SHROOM2: variants seen among roughly 807,000 people sequenced by gnomAD.
The protein encoded by SHROOM2 is protein Shroom2.
A neutral mutation model predicts 75.9 loss-of-function variants in SHROOM2; 33 were observed. That is an observed-to-expected ratio of 0.43 (90% confidence interval 0.33 to 0.58). The LOEUF is 0.58. Among genes scored for constraint, SHROOM2 ranks in the 20% least tolerant of loss-of-function variants. The pLI, the probability that SHROOM2 is intolerant of heterozygous loss-of-function variation, is 0.04. For missense variants in SHROOM2, 1,434 were observed against 1,461.2 expected (o/e 0.98, Z 0.30); for synonymous variants, 655 against 663.6 (o/e 0.99, Z 0.20).
At chrX:9,793,955 G>A (rs1399431032) in intron 1 of SHROOM2, among the ~76,000 whole-genome samples, 1 of 110,957 alleles carries the variant, frequency 9.0e-6, no homozygotes, top group African/African-American at 3.3e-5. Flanking sequence ...GTATTGCTTG[G>A]GTTGATCCTG....
At chrX:9,826,413 C>CT (rs897611062) in intron 1 of SHROOM2, among the ~76,000 whole-genome samples, 10 of 109,914 alleles carry the variant, frequency 9.1e-5, no homozygotes, top group African/African-American at 2.3e-4. Context: ...TATCATTTTC[C>CT]TTTTTTTTTA....
intron 1 of SHROOM2, among the ~76,000 whole-genome samples, chrX:9,837,060 C>A (rs970671103): frequency 8.9e-6 from 1 of 112,577 alleles, no homozygotes; most frequent in Admixed American, 9.4e-5. Flanking sequence ...CATTCCCTTC[C>A]GGTGCCAAGT....
In SHROOM2 at chrX:9,896,427, A is replaced by G. The variant is rs1181508925; in HGVS notation, c.2519A>G (p.Glu840Gly). The G allele has an allele frequency of 1.7e-6, 2 of 1,212,018 alleles. No homozygotes were observed. Among genetic ancestry groups the G allele is most frequent in the South Asian group, 3.5e-5 (2 of 56,986 alleles). ...RTAGRTCEGT[E>G]PWSRTTSLGD... ...GCGGGCCGCACATGTGAGGGCACGG[A>G]GCCCTGGTCGCGCACCACCTCCCTT... The change falls in exon 4 of 10, where the codon GAG (glutamate) becomes GGG (glycine). Residue 840 changes from glutamate (E) to glycine (G), a missense_variant. By Grantham distance (98) the Glu-to-Gly change is moderately conservative. This residue lies in a region of SHROOM2 where 1,340 missense variants were observed against 1,338.3 expected (regional missense o/e 1.00). Transcript: ENST00000380913.
In SHROOM2 at chrX:9,895,428, T is replaced by C; in HGVS notation, c.1520T>C (p.Leu507Pro). The change falls in exon 4 of 10, where the codon CTT becomes CCT. Residue 507 changes from leucine to proline, a missense_variant. Transcript: ENST00000380913. ...ACAGCCCTTGGAGCCCTCGAGAGTC[T>C]TCCCCCACCCACGGTGGGCCAGAGC... ...SDTALGALES[L>P]PPPTVGQSPR... 8.3e-7 allele frequency: 1 copy of C among 1,208,813 alleles called. No individual in the cohort carries two copies. Among genetic ancestry groups the C allele is most frequent in the Non-Finnish European group, 1.1e-6 (1 of 894,428 alleles).
intron 2 of SHROOM2, among the ~76,000 whole-genome samples, chrX:9,877,142 C>T (rs1370356066): frequency 8.9e-6 from 1 of 111,907 alleles, no homozygotes; most frequent in Non-Finnish European, 1.9e-5. Context: ...CATCTTGTTT[C>T]ACAGGCATGG....
intron 1 of SHROOM2, among the ~76,000 whole-genome samples, chrX:9,800,086 G>C (rs770029670): frequency 9.0e-6 from 1 of 111,413 alleles, no homozygotes; most frequent in African/African-American, 3.3e-5. Context: ...TAAATACGGG[G>C]TGTGCATTGC....
chrX:9,801,922 C>CG (rs1173966230), intron 1 of SHROOM2, among the ~76,000 whole-genome samples: 4 of 110,922 alleles, frequency 3.6e-5, no homozygotes, highest in Non-Finnish European at 7.5e-5. Context: ...TGCCACTACA[C>CG]GCCAGCCTGG....
chrX:9,947,927 C>T lies in SHROOM2; in HGVS notation c.*990C>T. 1 of 112,466 alleles carries T rather than the reference C, an allele frequency of 8.9e-6. No individual in the cohort carries two copies. Among genetic ancestry groups the T allele is most frequent in the Non-Finnish European group, 1.9e-5 (1 of 53,345 alleles). 9.3% of individuals were successfully genotyped at this position (112,466 alleles called of 1,213,427 possible). On this transcript the variant is annotated 3_prime_UTR_variant, in exon 10 of 10. Transcript: ENST00000380913. ...CAGAGGTCCCGTGGACTACACAGCTCCTGAGCTTGATCTTTTTCTGCCATG... is the reference window on the plus strand; with the variant it reads ...CAGAGGTCCCGTGGACTACACAGCTTCTGAGCTTGATCTTTTTCTGCCATG...
chrX:9,838,183 C>T (rs1022133308), intron 1 of SHROOM2, among the ~76,000 whole-genome samples: 3 of 107,630 alleles, frequency 2.8e-5, no homozygotes, highest in African/African-American at 1.0e-4. Flanking sequence ...GCCTCAGCCT[C>T]CCGAGTTGCT....
intron 1 of SHROOM2, among the ~76,000 whole-genome samples, chrX:9,851,018 C>CT (rs1197774772): frequency 1.8e-5 from 2 of 110,337 alleles, no homozygotes; most frequent in Non-Finnish European, 3.8e-5. Flanking sequence ...CTTCCTCTCT[C>CT]TTTTTTTAGA....
At chrX:9,938,807 C>T (rs1466033066) in intron 7 of SHROOM2, among the ~76,000 whole-genome samples, 1 of 110,606 alleles carries the variant, frequency 9.0e-6, no homozygotes, top group Non-Finnish European at 1.9e-5. Flanking sequence ...AGGAGGGCGC[C>T]GACAGGGCTG....
chrX:9,899,160 G>A (rs111842822), intron 5 of SHROOM2, among the ~76,000 whole-genome samples: 8 of 110,356 alleles, frequency 7.2e-5, no homozygotes, highest in African/African-American at 1.7e-4. Flanking sequence ...TGAGCTACTC[G>A]TTCAAGCACG....
intron 1 of SHROOM2, among the ~76,000 whole-genome samples, chrX:9,849,325 C>T (rs1484619522): frequency 1.8e-5 from 2 of 111,856 alleles, no homozygotes; most frequent in East Asian, 2.8e-4. Context: ...GTTGATCTCT[C>T]CTCCCTCTGC....
Position 9,947,266 on chromosome X carries a change from T to G in SHROOM2, c.*329T>G. ...GTCACTGTCAGTGGGAAACCCGTTG[T>G]TCCTCCCGTCTTCAGATGCTGAGCC... On this transcript the variant is annotated 3_prime_UTR_variant, in exon 10 of 10. Transcript: ENST00000380913. The G allele has an allele frequency of 4.0e-6, 1 of 249,457 alleles. No individual in the cohort carries two copies. Among genetic ancestry groups the G allele is most frequent in the East Asian group, 8.2e-5 (1 of 12,179 alleles). The allele number at this position is 249,457 out of a possible 1,213,427, so 20.6% of individuals were successfully genotyped here.
At chrX:9,846,953 C>T (rs1021948400) in intron 1 of SHROOM2, among the ~76,000 whole-genome samples, 2 of 112,305 alleles carry the variant, frequency 1.8e-5, no homozygotes, top group Admixed American at 9.4e-5. Context: ...AGGTTTGAGA[C>T]GAGTCTCATA....
chrX:9,928,833 A>G (rs1400488353), intron 5 of SHROOM2, among the ~76,000 whole-genome samples: 1 of 112,298 alleles, frequency 8.9e-6, no homozygotes, highest in Non-Finnish European at 1.9e-5. Context: ...CATGCAAACA[A>G]CCAGACATAC....
At chrX:9,820,828 T>C (rs966628326) in intron 1 of SHROOM2, among the ~76,000 whole-genome samples, 2 of 112,789 alleles carry the variant, frequency 1.8e-5, no homozygotes, top group Non-Finnish European at 3.7e-5. Context: ...AGCAGACTTC[T>C]GTAAAGGGCC....
chrX:9,941,464 C>A (rs143337087), intron 8 of SHROOM2, among the ~76,000 whole-genome samples: 1 of 112,175 alleles, frequency 8.9e-6, no homozygotes, highest in African/African-American at 3.2e-5. Context: ...TGAAAGCCAA[C>A]GGCTGTTCTT....
intron 1 of SHROOM2, among the ~76,000 whole-genome samples, chrX:9,791,681 T>G (rs1280130515): frequency 9.0e-6 from 1 of 111,372 alleles, no homozygotes; most frequent in Non-Finnish European, 1.9e-5. Context: ...TGCCTGTTGC[T>G]CTTTTAGGCC....
Sources: gnomAD v4.1 joint callset for allele counts (sites outside exome capture counted in the v4.1 genomes callset) on GRCh38, gnomAD v4.1.1 for gene constraint, gnomAD v4.1.1 regional missense constraint, MANE v1.5 for transcripts, NCBI Gene and HGNC (gene_info 2026-07-23, HGNC 2026-07-21) for gene names.